The following ALOX5 variants were observed in gnomAD, a reference collection of about 807,000 sequenced individuals.
ALOX5 encodes the protein polyunsaturated fatty acid 5-lipoxygenase.
A neutral mutation model predicts 87.9 loss-of-function variants in ALOX5; 64 were observed. The ratio of observed to expected loss-of-function variants is 0.73; its 90% CI spans 0.60 to 0.90. The LOEUF (loss-of-function observed/expected upper bound fraction) is 0.90, where lower values mean the gene tolerates loss of function less well. ALOX5 is among the 40% of genes least tolerant of loss of function. The probability of loss-of-function intolerance (pLI) is 0.00; values close to 1 mark genes in which losing one functional copy is unlikely to be tolerated. For missense variants in ALOX5, 822 were observed against 907.5 expected, an observed-to-expected ratio of 0.91 and a Z score of 1.21; for synonymous variants, 388 against 355.1, an observed-to-expected ratio of 1.09 and a Z score of -1.04.
At chr10:45,404,437 G>A (rs1661748241) in intron 3 of ALOX5, among the ~76,000 whole-genome samples, 1 of 152,244 alleles carries the variant, frequency 6.6e-6, no homozygotes, top group South Asian at 2.1e-4. Flanking sequence ...CACAGCTTGT[G>A]CTCTCCCACT....
intron 2 of ALOX5, 53 bp from the exon 3 acceptor site, chr10:45,395,802 G>C: frequency 6.6e-7 from 1 of 1,524,598 alleles, no homozygotes; most frequent in Non-Finnish European, 9.1e-7. Context: ...CTTGGCATTG[G>C]GCATTGTTAT....
At chr10:45,404,479 TCACA>T (rs1458838055) in intron 3 of ALOX5, among the ~76,000 whole-genome samples, 2 of 152,220 alleles carry the variant, frequency 1.3e-5, no homozygotes, top group African/African-American at 4.8e-5. Context: ...ACATGCACAC[TCACA>T]CACAGCAGTA....
chr10:45,404,885 A>C (rs147824078), intron 3 of ALOX5, among the ~76,000 whole-genome samples: 1 of 152,242 alleles, frequency 6.6e-6, no homozygotes, highest in Non-Finnish European at 1.5e-5. Flanking sequence ...TAGACACCCC[A>C]GTAACTGTTT....
chr10:45,433,675 G>A (rs148240462), intron 7 of ALOX5, among the ~76,000 whole-genome samples: 5,619 of 152,300 alleles, frequency 0.037, 149 homozygotes, highest in Middle Eastern at 0.054. Context: ...TGAAGTGGGG[G>A]TGGGCTTCCA....
intron 3 of ALOX5, among the ~76,000 whole-genome samples, chr10:45,398,428 C>T (rs1840588204): frequency 6.6e-6 from 1 of 152,174 alleles, no homozygotes; most frequent in African/African-American, 2.4e-5. Flanking sequence ...ACCTTCATGA[C>T]TTTGGATTTG....
intron 4 of ALOX5, among the ~76,000 whole-genome samples, chr10:45,418,694 G>A (rs1194450107): frequency 6.6e-6 from 1 of 152,204 alleles, no homozygotes; most frequent in Non-Finnish European, 1.5e-5. Flanking sequence ...GGCTGCAGCG[G>A]AGAGAGACTG....
intron 3 of ALOX5, among the ~76,000 whole-genome samples, chr10:45,411,472 A>G (rs1841061830): frequency 6.6e-6 from 1 of 152,230 alleles, no homozygotes; most frequent in Non-Finnish European, 1.5e-5. Context: ...AAAAAAGCAA[A>G]ATAAACATTT....
chr10:45,374,237 C>A lies in ALOX5; in HGVS notation c.-43C>A. The A allele has an allele frequency of 6.9e-7, 1 of 1,444,694 alleles. No individual in the cohort carries two copies. The highest frequency in any genetic ancestry group is 1.4e-5 in the South Asian group (1 of 73,100). 89.5% of individuals were successfully genotyped at this position (1,444,694 alleles called of 1,614,324 possible). ...CGCTAGATGCGGACACCTGGACCGC[C>A]GCGCCGAGGCTCCCGGCGCTCGCTG... On this transcript the variant is annotated 5_prime_UTR_variant, in exon 1 of 14. Coordinates refer to ENST00000374391, the MANE Select transcript of ALOX5 (RefSeq NM_000698.5).
At chr10:45,432,387 A>G (rs1589040600) in intron 7 of ALOX5, among the ~76,000 whole-genome samples, 1 of 151,810 alleles carries the variant, frequency 6.6e-6, no homozygotes, top group East Asian at 1.9e-4. Flanking sequence ...AGTAAAAGAA[A>G]ACACAGAAGG....
intron 3 of ALOX5, among the ~76,000 whole-genome samples, chr10:45,411,188 G>A (rs1841050115): frequency 6.6e-6 from 1 of 152,194 alleles, no homozygotes; most frequent in Non-Finnish European, 1.5e-5. Flanking sequence ...TATAATGAGT[G>A]GTGAGGATGA....
chr10:45,378,282 G>A (rs186890707), intron 1 of ALOX5, among the ~76,000 whole-genome samples: 21 of 152,186 alleles, frequency 1.4e-4, no homozygotes, highest in Admixed American at 3.3e-4. Flanking sequence ...TCTAGCTTCC[G>A]GTTCAGGGCT....
intron 4 of ALOX5, among the ~76,000 whole-genome samples, chr10:45,423,833 C>T (rs1205951134): frequency 6.6e-6 from 1 of 152,166 alleles, no homozygotes; most frequent in Non-Finnish European, 1.5e-5. Context: ...GGGTACTGGC[C>T]TGTCTCTTCG....
intron 2 of ALOX5, among the ~76,000 whole-genome samples, chr10:45,388,403 C>T (rs1840077236): frequency 6.6e-6 from 1 of 152,226 alleles, no homozygotes; most frequent in South Asian, 2.1e-4. Context: ...TCAAGTGGCT[C>T]CCTGACCCCA....
At chr10:45,442,823 G>A in intron 9 of ALOX5, 1 of 574,704 alleles carries the variant, frequency 1.7e-6, no homozygotes, top group Non-Finnish European at 3.1e-6. Context: ...TCAGTCCCTT[G>A]CATTGGATTG....
chr10:45,435,010 A>G (rs1422566112), intron 7 of ALOX5, among the ~76,000 whole-genome samples: 1 of 152,184 alleles, frequency 6.6e-6, no homozygotes, highest in Non-Finnish European at 1.5e-5. Context: ...CCAAAAAACA[A>G]ATTTAAGAAA....
rs962688038 is a variant in ALOX5 at position 45,424,133 on chromosome 10, G to A, written c.647G>A (p.Ser216Asn). 1 of 1,613,730 alleles carries A rather than the reference G, an allele frequency of 6.2e-7. No individual in the cohort carries two copies. The change falls in exon 5 of 14, where the codon AGC becomes AAC. Residue 216 changes from serine to asparagine, a missense_variant. Ser to Asn is a conservative substitution (Grantham distance 46, BLOSUM62 1). Coordinates refer to ENST00000374391, the MANE Select transcript of ALOX5 (RefSeq NM_000698.5). ...ADFEKIFVKI[S>N]NTISERVMNH... ...TTTGAGAAAATCTTTGTCAAGATCA[G>A]CAACACTATTTCTGGTGAGTGTGCC... is the stretch of plus-strand genomic sequence containing the variant.
chr10:45,424,183 G>A (rs2132804925), intron 5 of ALOX5, 36 bp downstream of exon 5: 1 of 1,529,640 alleles, frequency 6.5e-7, no homozygotes. Context: ...TGGTGCTGGG[G>A]ACAGGGGATG....
Position 45,443,097 on chromosome 10 carries a change from G to A in ALOX5, c.1332G>A (p.Leu444=). The change falls in exon 10 of 14, where the codon CTG becomes CTA. Residue 444 remains leucine, a synonymous_variant. Transcript: ENST00000374391. ...VQMVQRAMKD[L]TYASLCFPEA... Reference sequence around the variant, plus strand: ...TGGTGCAGAGGGCCATGAAGGACCTGACCTATGCCTCCCTGTGCTTTCCCG... The same window carrying A: ...TGGTGCAGAGGGCCATGAAGGACCTAACCTATGCCTCCCTGTGCTTTCCCG... 1 of 1,613,794 alleles carries A rather than the reference G, an allele frequency of 6.2e-7. No homozygotes were observed.
In ALOX5 at chr10:45,412,330, TGAG is replaced by T. The variant is rs746531930; in HGVS notation, c.554+19_554+21del. 7.7e-5 allele frequency: 124 copies of T among 1,613,740 alleles called. No individual in the cohort carries two copies. Among genetic ancestry groups the T allele is most frequent in the Non-Finnish European group, 1.0e-4 (118 of 1,179,714 alleles). The stretch of plus-strand genomic sequence containing the variant: ...CTCCAAAGCGTAAGTTTACGAGAAC[TGAG>T]GGACTCTGGGCAGCCCCTCCAGTGG... On this transcript the variant is annotated intron_variant, in intron 4 of 13. Transcript: ENST00000374391.
Sources: gnomAD v4.1 joint callset for allele counts (sites outside exome capture counted in the v4.1 genomes callset) on GRCh38, gnomAD v4.1.1 for gene constraint, MANE v1.5 for transcripts, NCBI Gene and HGNC (gene_info 2026-07-23, HGNC 2026-07-21) for gene names.